AVEN: variants seen among roughly 807,000 people sequenced by gnomAD.
The protein encoded by AVEN is cell death regulator Aven.
AVEN carries 41 observed loss-of-function variants against 38.1 expected under a neutral mutation model. The observed-to-expected ratio is 1.08, with a 90% confidence interval of 0.84 to 1.40. The LOEUF is 1.40. Among genes scored for constraint, AVEN ranks in the 40% most tolerant of loss-of-function variants. The pLI is 0.00. For missense variants in AVEN, 605 were observed against 438.8 expected, an observed-to-expected ratio of 1.38 and a Z score of -3.38; for synonymous variants, 206 against 171.8, an observed-to-expected ratio of 1.20 and a Z score of -1.56.
At chr15:33,871,054 T>G (rs1890926555) in intron 3 of AVEN, 24 bp from the exon 4 acceptor site, 3 of 1,317,798 alleles carry the variant, frequency 2.3e-6, no homozygotes, top group Non-Finnish European at 2.0e-6. Context: ...TAAAAGAAAA[T>G]AAAATATCAG....
intron 2 of AVEN, among the ~76,000 whole-genome samples, chr15:33,943,692 G>A (rs1894402351): frequency 6.6e-6 from 1 of 152,048 alleles, no homozygotes; most frequent in African/African-American, 2.4e-5. Context: ...AGGTGTGGTG[G>A]CGCACGCCTA....
At chr15:33,873,766 C>G (rs921089226) in intron 3 of AVEN, among the ~76,000 whole-genome samples, 15 of 152,142 alleles carry the variant, frequency 9.9e-5, no homozygotes, top group Admixed American at 9.8e-4. Context: ...TAACTTCTTT[C>G]TGCTCTTATT....
intron 1 of AVEN, among the ~76,000 whole-genome samples, chr15:34,038,122 A>AAATTTCAAT (rs1338991827): frequency 6.6e-6 from 1 of 152,198 alleles, no homozygotes; most frequent in Non-Finnish European, 1.5e-5. Flanking sequence ...CTGCTCATTT[A>AAATTTCAAT]TAAATTGAAA....
At chr15:33,925,550 C>T (rs1284606024) in intron 2 of AVEN, among the ~76,000 whole-genome samples, 2 of 152,172 alleles carry the variant, frequency 1.3e-5, no homozygotes, top group Non-Finnish European at 2.9e-5. Flanking sequence ...ATAGGCAGTG[C>T]TTTTAAGACA....
intron 2 of AVEN, among the ~76,000 whole-genome samples, chr15:33,980,278 T>C (rs1896076502): frequency 2.4e-5 from 1 of 42,166 alleles, no homozygotes; most frequent in Non-Finnish European, 2.9e-4. Flanking sequence ...AGACTAGATT[T>C]AATAACATCT....
In AVEN at chr15:33,866,740, A is replaced by C; in HGVS notation, c.974-12T>G. On this transcript the variant is annotated splice_polypyrimidine_tract_variant and intron_variant, in intron 5 of 5. Transcript: ENST00000306730. ...TGGTTTTGCACAAACTGGGGGAAAAAAAACAATGTTAACACCCTCAGATGA... is the reference window on the plus strand; with the variant it reads ...TGGTTTTGCACAAACTGGGGGAAAACAAACAATGTTAACACCCTCAGATGA... 1 of 1,589,838 alleles carries C rather than the reference A, an allele frequency of 6.3e-7. No homozygotes were observed. The highest frequency in any genetic ancestry group is 8.6e-7 in the Non-Finnish European group (1 of 1,158,232).
At chr15:33,935,804 C>T (rs1159995239) in intron 2 of AVEN, among the ~76,000 whole-genome samples, 1 of 152,076 alleles carries the variant, frequency 6.6e-6, no homozygotes, top group Admixed American at 6.6e-5. Context: ...ATTTTTACTT[C>T]TTTTAATGTG....
chr15:33,893,580 T>G (rs572791199), intron 2 of AVEN, among the ~76,000 whole-genome samples: 1 of 152,358 alleles, frequency 6.6e-6, no homozygotes, highest in African/African-American at 2.4e-5. Flanking sequence ...TCCTGAATAT[T>G]CTGTTTTTAA....
At chr15:34,030,407 G>T (rs570104642) in intron 1 of AVEN, among the ~76,000 whole-genome samples, 2 of 151,400 alleles carry the variant, frequency 1.3e-5, no homozygotes, top group Admixed American at 1.3e-4. Context: ...GTGCAGTGGC[G>T]CAATCTCGCT....
chr15:33,947,241 T>C (rs7173986), intron 2 of AVEN, among the ~76,000 whole-genome samples: 32,264 of 152,098 alleles, frequency 0.21, 4,022 homozygotes, highest in African/African-American at 0.34. Flanking sequence ...GACAGACTCA[T>C]ATGCCTCTGT....
intron 2 of AVEN, among the ~76,000 whole-genome samples, chr15:33,898,113 AG>A (rs1892322205): frequency 6.6e-6 from 1 of 152,048 alleles, no homozygotes; most frequent in South Asian, 2.1e-4. Context: ...GGCGTGAACC[AG>A]GGAGGCAAAG....
chr15:33,867,302 C>T (rs532432476), intron 5 of AVEN, among the ~76,000 whole-genome samples, 193 bp downstream of exon 5: 31 of 152,128 alleles, frequency 2.0e-4, no homozygotes, highest in African/African-American at 6.7e-4. Flanking sequence ...CTTGGTGTGT[C>T]GCGTGAGAGG....
chr15:33,952,181 G>A (rs575245283), intron 2 of AVEN, among the ~76,000 whole-genome samples: 20 of 152,260 alleles, frequency 1.3e-4, no homozygotes, highest in Admixed American at 7.8e-4. Context: ...TCACAAACAG[G>A]TGGAAATGAT....
chr15:33,960,051 G>A (rs908893997), intron 2 of AVEN, among the ~76,000 whole-genome samples: 1 of 152,176 alleles, frequency 6.6e-6, no homozygotes, highest in Non-Finnish European at 1.5e-5. Flanking sequence ...CTTGTCGGAT[G>A]ACCCTTCAGA....
intron 2 of AVEN, among the ~76,000 whole-genome samples, chr15:33,913,915 T>C (rs986096116): frequency 6.6e-6 from 1 of 152,222 alleles, no homozygotes; most frequent in Non-Finnish European, 1.5e-5. Flanking sequence ...TGAAAAGGGC[T>C]GAAAATGGGA....
upstream of AVEN, among the ~76,000 whole-genome samples, chr15:34,039,709 T>A (rs1348777600): frequency 6.6e-6 from 1 of 152,194 alleles, no homozygotes; most frequent in Non-Finnish European, 1.5e-5. Context: ...CAGCAGAATT[T>A]CTGTAGAAAT....
chr15:34,053,675 A>T (rs1434951242), intron 5 of AVEN, among the ~76,000 whole-genome samples: 4 of 152,168 alleles, frequency 2.6e-5, no homozygotes, highest in African/African-American at 9.7e-5. Context: ...TACAAAAATT[A>T]ACTCAAGATG....
chr15:33,863,919 A>G (rs1889464097), downstream of AVEN, among the ~76,000 whole-genome samples: 1 of 152,226 alleles, frequency 6.6e-6, no homozygotes, highest in South Asian at 2.1e-4. Context: ...AGGGATGGCA[A>G]AAAGCATCTC....
intron 1 of AVEN, among the ~76,000 whole-genome samples, chr15:34,027,528 C>CAAAAAA (rs35780353): frequency 2.3e-4 from 31 of 132,578 alleles, no homozygotes; most frequent in South Asian, 5.0e-4. Context: ...GACTCTGTCT[C>CAAAAAA]AAAAAAAAAA....
Sources: allele counts gnomAD v4.1 joint callset (sites outside exome capture counted in the v4.1 genomes callset), GRCh38; gene constraint gnomAD v4.1.1; transcripts MANE v1.5; gene names NCBI Gene and HGNC (gene_info 2026-07-23, HGNC 2026-07-21).